The following PRKG1 variants were observed in gnomAD, a reference collection of about 807,000 sequenced individuals.
The protein encoded by PRKG1 is protein kinase cGMP-dependent 1.
Under a neutral mutation model 88.1 loss-of-function variants are expected in PRKG1, and 35 were observed. The ratio of observed to expected loss-of-function variants is 0.40; its 90% CI spans 0.30 to 0.53. The LOEUF is 0.53. Among genes scored for constraint, PRKG1 ranks in the 20% least tolerant of loss-of-function variants. The pLI is 0.59. For missense variants in PRKG1, 540 were observed against 839.8 expected (o/e 0.64, Z 4.41); for synonymous variants, 303 against 292.5 (o/e 1.04, Z -0.37).
chr10:52,134,171 A>T (rs749514994), intron 8 of PRKG1, among the ~76,000 whole-genome samples: 7 of 152,148 alleles, frequency 4.6e-5, no homozygotes, highest in Admixed American at 6.6e-5. Context: ...TATCATACAG[A>T]TATTTTGAGG....
At chr10:51,122,386 A>G (rs1845280526) in intron 1 of PRKG1, among the ~76,000 whole-genome samples, 1 of 152,158 alleles carries the variant, frequency 6.6e-6, no homozygotes, top group Admixed American at 6.5e-5. Flanking sequence ...CTTTTGTTCA[A>G]ACACCATTTC....
intron 3 of PRKG1, among the ~76,000 whole-genome samples, chr10:51,614,475 A>G (rs1489163420): frequency 1.3e-5 from 2 of 151,854 alleles, no homozygotes; most frequent in African/African-American, 4.8e-5. Flanking sequence ...CATTTTTTTA[A>G]ATGTATTCCG....
chr10:52,019,441 A>T (rs753462296), intron 5 of PRKG1, among the ~76,000 whole-genome samples: 1 of 152,208 alleles, frequency 6.6e-6, no homozygotes, highest in Non-Finnish European at 1.5e-5. Flanking sequence ...GGCTGGAGGA[A>T]GATTTACATC....
intron 1 of PRKG1, among the ~76,000 whole-genome samples, chr10:51,133,500 G>C (rs1197996437): frequency 6.6e-6 from 1 of 152,170 alleles, no homozygotes; most frequent in East Asian, 1.9e-4. Flanking sequence ...GCTCAGATAA[G>C]CTATGGAATC....
At chr10:51,720,984 A>C (rs1589231171) in intron 3 of PRKG1, among the ~76,000 whole-genome samples, 2 of 151,890 alleles carry the variant, frequency 1.3e-5, no homozygotes, top group Admixed American at 1.3e-4. Flanking sequence ...AGGTGGGAGG[A>C]TCTCTTGAGG....
At chr10:51,220,692 T>C (rs1042787814) in intron 2 of PRKG1, among the ~76,000 whole-genome samples, 18 of 152,160 alleles carry the variant, frequency 1.2e-4, no homozygotes, top group African/African-American at 4.1e-4. Flanking sequence ...GTAAGAATAC[T>C]TTTTCACTTA....
intron 2 of PRKG1, among the ~76,000 whole-genome samples, chr10:51,421,006 C>T (rs1838398249): frequency 6.6e-6 from 1 of 152,180 alleles, no homozygotes; most frequent in Admixed American, 6.5e-5. Flanking sequence ...CAGACACCTC[C>T]CACCAGGCCC....
chr10:51,486,228 C>T (rs1589007387), intron 3 of PRKG1, among the ~76,000 whole-genome samples: 1 of 152,088 alleles, frequency 6.6e-6, no homozygotes, highest in Non-Finnish European at 1.5e-5. Context: ...TCCCCTTTCA[C>T]TGATACCTCT....
At chr10:51,552,924 G>A (rs1186758164) in intron 3 of PRKG1, among the ~76,000 whole-genome samples, 1 of 151,532 alleles carries the variant, frequency 6.6e-6, no homozygotes, top group Non-Finnish European at 1.5e-5. Flanking sequence ...CTAATTTCAA[G>A]TCTCACTAGC....
intron 2 of PRKG1, among the ~76,000 whole-genome samples, chr10:51,253,829 G>T (rs77223886): frequency 0.04 from 6,018 of 151,988 alleles, 189 homozygotes; most frequent in African/African-American, 0.088. Context: ...TCAAAGGAAC[G>T]TAGATCTTAT....
At chr10:51,663,257 A>G (rs1308854277) in intron 3 of PRKG1, among the ~76,000 whole-genome samples, 1 of 152,150 alleles carries the variant, frequency 6.6e-6, no homozygotes, top group Non-Finnish European at 1.5e-5. Context: ...AGATGTTTTT[A>G]GCTTGAGCAA....
chr10:51,906,626 G>T (rs931859551), intron 4 of PRKG1, among the ~76,000 whole-genome samples: 1 of 152,156 alleles, frequency 6.6e-6, no homozygotes, highest in Non-Finnish European at 1.5e-5. Context: ...AAGATAAGGG[G>T]TTGTGGAGAC....
intron 3 of PRKG1, among the ~76,000 whole-genome samples, chr10:51,794,795 A>G (rs915245306): frequency 6.6e-6 from 1 of 152,098 alleles, no homozygotes; most frequent in Non-Finnish European, 1.5e-5. Flanking sequence ...AAAGTAAAAC[A>G]AACAAAAAAC....
chr10:51,812,667 G>A (rs1473737190), intron 4 of PRKG1, among the ~76,000 whole-genome samples: 1 of 152,100 alleles, frequency 6.6e-6, no homozygotes, highest in African/African-American at 2.4e-5. Flanking sequence ...ATCACTGATC[G>A]CTGGATAAAA....
chr10:52,218,292 G>A lies in PRKG1; in HGVS notation c.1077-33278G>A, dbSNP rs111963397. Among the ~76,000 whole-genome samples, 244 of 151,196 alleles carry A rather than the reference G, an allele frequency of 1.6e-3. 2 individuals are homozygous for A. Among genetic ancestry groups the A allele is most frequent in the African/African-American group, 5.5e-3 (226 of 41,174 alleles). On this transcript the variant is annotated intron_variant, in intron 9 of 17. Coordinates refer to ENST00000373980, the MANE Select transcript of PRKG1 (RefSeq NM_006258.4). ...GGGTAAAAACAGAATGAACTAAGGCGTCTTAACAGCTGACATCCATCAAAG... is the reference window on the plus strand; with the variant it reads ...GGGTAAAAACAGAATGAACTAAGGCATCTTAACAGCTGACATCCATCAAAG...
intron 17 of PRKG1, among the ~76,000 whole-genome samples, chr10:52,291,242 T>A (rs892564790): frequency 1.7e-5 from 1 of 59,278 alleles, no homozygotes; most frequent in Non-Finnish European, 3.1e-5. Flanking sequence ...TCTTTTATTT[T>A]TTTATTTTTT....
chr10:51,325,819 G>A lies in PRKG1; in HGVS notation c.479-141904G>A, dbSNP rs114963657. Among the ~76,000 whole-genome samples, 484 of 152,218 alleles carry A rather than the reference G, an allele frequency of 3.2e-3. 4 individuals carry two copies. Among genetic ancestry groups the A allele is most frequent in the African/African-American group, 0.011 (454 of 41,552 alleles). On this transcript the variant is annotated intron_variant, in intron 2 of 17. Coordinates refer to ENST00000373980, the MANE Select transcript of PRKG1 (RefSeq NM_006258.4). ...AACAAGACCTGGTCCCCCAGTGTTG[G>A]CCTGACAGCAACCTCCTCAGGGGCC...
At chr10:51,318,853 C>T (rs1339472582) in intron 2 of PRKG1, among the ~76,000 whole-genome samples, 2 of 152,136 alleles carry the variant, frequency 1.3e-5, no homozygotes, top group Non-Finnish European at 2.9e-5. Context: ...AGAATCTGAG[C>T]TTAAATTTCT....
chr10:52,084,310 A>T (rs867850954), intron 7 of PRKG1, among the ~76,000 whole-genome samples: 1 of 152,046 alleles, frequency 6.6e-6, no homozygotes, highest in Non-Finnish European at 1.5e-5. Flanking sequence ...ATGAGATGAA[A>T]GTTTTTGCAG....
Sources: gnomAD v4.1 joint callset for allele counts (sites outside exome capture counted in the v4.1 genomes callset) on GRCh38, gnomAD v4.1.1 for gene constraint, MANE v1.5 for transcripts, NCBI Gene and HGNC (gene_info 2026-07-23, HGNC 2026-07-21) for gene names.